The following USP9X variants were observed in gnomAD, a reference collection of about 807,000 sequenced individuals.
The protein encoded by USP9X is ubiquitin specific peptidase 9 X-linked, also known as ubiquitin carboxyl-terminal hydrolase 9X.
A neutral mutation model predicts 190.3 loss-of-function variants in USP9X; 7 were observed. The observed-to-expected ratio is 0.04, with a 90% CI of 0.02 to 0.07. The LOEUF (loss-of-function observed/expected upper bound fraction) is 0.07, where lower values mean the gene tolerates loss of function less well. Ranked by LOEUF, USP9X falls within the 10% of genes least tolerant of loss-of-function variation. USP9X has a pLI of 1.00. For missense variants in USP9X, 1,010 were observed against 1,916.9 expected (o/e 0.53, Z 8.83); for synonymous variants, 645 against 659.5 (o/e 0.98, Z 0.34).
chrX:41,181,272 C>CTTTTTTT (rs769952292), intron 21 of USP9X, among the ~76,000 whole-genome samples: 4 of 75,426 alleles, frequency 5.3e-5, no homozygotes, highest in Non-Finnish European at 5.0e-5. Context: ...TTTCTCATTT[C>CTTTTTTT]TTTTTTTTTT....
intron 1 of USP9X, among the ~76,000 whole-genome samples, chrX:41,120,726 C>G (rs993267795): frequency 6.3e-5 from 7 of 110,875 alleles, no homozygotes; most frequent in Middle Eastern, 4.6e-3. Context: ...TCTTGATCTC[C>G]TGACCTCATG....
rs1436540299 is a variant in USP9X at position 41,141,073 on chromosome X, A to T, written c.878A>T (p.Glu293Val). The T allele has an allele frequency of 8.3e-7, 1 of 1,207,357 alleles. No homozygotes were observed. Among genetic ancestry groups the T allele is most frequent in the Non-Finnish European group, 1.1e-6 (1 of 893,274 alleles). ...PQFLENLTDE[E>V]LKKEAKNEAK... ...TTTTTAGAAAACTTAACTGATGAAG[A>T]ACTGAAAAAAGAAGCAAAGAATGAA... is the stretch of plus-strand genomic sequence containing the variant. Residue 293 changes from glutamate (E) to valine (V), a missense_variant, in exon 8 of 45, where the codon GAA becomes GTA. Transcript: ENST00000378308.
intron 16 of USP9X, chrX:41,167,105 G>A (rs1336488194): frequency 3.3e-5 from 5 of 150,259 alleles, no homozygotes; most frequent in African/African-American, 1.6e-4. Flanking sequence ...AGAAACTGGG[G>A]GTAGAGTAGT....
At chrX:41,154,393 A>T (rs1351992306) in intron 14 of USP9X, among the ~76,000 whole-genome samples, 1 of 111,945 alleles carries the variant, frequency 8.9e-6, no homozygotes, top group African/African-American at 3.2e-5. Flanking sequence ...TCCTGGTGGT[A>T]CACAGCCCTC....
chrX:41,125,672 ACACACACACACACTCT>A (rs1158961656), intron 2 of USP9X, among the ~76,000 whole-genome samples: 17 of 48,658 alleles, frequency 3.5e-4, no homozygotes, highest in South Asian at 2.0e-3. Context: ...ACACACACAC[ACACACACACACACTCT>A]CTCTCTCTCT....
At position 41,123,610 on chromosome X, in the gene USP9X, G is replaced by C. The variant is rs746162763; in HGVS notation, c.-19G>C. On this transcript the variant is annotated 5_prime_UTR_variant, in exon 2 of 45. Transcript: ENST00000378308. ...CTACATAAGCAGACAAAATTGCAAA[G>C]ATCTGCCCTGTGTCGAGTATGACAG... 1 of 1,200,714 alleles carries C rather than the reference G, an allele frequency of 8.3e-7. No individual in the cohort carries two copies. The highest frequency in any genetic ancestry group is 1.1e-6 in the Non-Finnish European group (1 of 887,497).
At chrX:41,105,203 A>G (rs763320926) in intron 1 of USP9X, among the ~76,000 whole-genome samples, 2 of 111,471 alleles carry the variant, frequency 1.8e-5, no homozygotes, top group African/African-American at 6.5e-5. Flanking sequence ...TGGCCTGACT[A>G]AGCCAAGAAG....
intron 16 of USP9X, 80 bp from the exon 17 acceptor site, chrX:41,167,402 C>A: frequency 1.3e-6 from 1 of 751,610 alleles, no homozygotes; most frequent in Non-Finnish European, 2.0e-6. Context: ...TTTAAGATAA[C>A]TGAGGATATG....
chrX:41,157,461 G>T (rs1255162521), intron 14 of USP9X, among the ~76,000 whole-genome samples: 1 of 111,270 alleles, frequency 9.0e-6, no homozygotes, highest in Non-Finnish European at 1.9e-5. Flanking sequence ...GCAACTCCTA[G>T]GTAGGCAGGC....
chrX:41,112,924 A>G (rs187345420), intron 1 of USP9X, among the ~76,000 whole-genome samples: 80 of 112,567 alleles, frequency 7.1e-4, no homozygotes, highest in Non-Finnish European at 1.1e-3. Context: ...CATATAAGCT[A>G]TTAATGTTTG....
chrX:41,179,862 A>G (rs1335568741), intron 21 of USP9X, among the ~76,000 whole-genome samples: 1 of 111,547 alleles, frequency 9.0e-6, no homozygotes, highest in Non-Finnish European at 1.9e-5. Flanking sequence ...CTTCACAACA[A>G]CTAAACCAAC....
intron 2 of USP9X, among the ~76,000 whole-genome samples, chrX:41,125,716 TC>T (rs2062241137): frequency 9.9e-6 from 1 of 100,734 alleles, no homozygotes; most frequent in Non-Finnish European, 2.0e-5. Context: ...TCTCTCTCTC[TC>T]TCGCGCACGC....
chrX:41,120,025 T>C (rs1262774417), intron 1 of USP9X, among the ~76,000 whole-genome samples: 2 of 112,251 alleles, frequency 1.8e-5, no homozygotes, highest in Non-Finnish European at 3.8e-5. Context: ...TTTTCCACTT[T>C]ATGTATTTAA....
At chrX:41,102,560 T>C (rs1006206437) in intron 1 of USP9X, among the ~76,000 whole-genome samples, 1 of 110,833 alleles carries the variant, frequency 9.0e-6, no homozygotes, top group African/African-American at 3.3e-5. Flanking sequence ...GAGGTGGAGG[T>C]TGCAGTGAGT....
chrX:41,169,333 C>T (rs894036773), intron 18 of USP9X, among the ~76,000 whole-genome samples: 2 of 111,099 alleles, frequency 1.8e-5, no homozygotes, highest in Non-Finnish European at 3.8e-5. Flanking sequence ...TAAAAATAAG[C>T]GTTATATCTT....
At chrX:41,117,232 T>C (rs1439045833) in intron 1 of USP9X, among the ~76,000 whole-genome samples, 1 of 111,525 alleles carries the variant, frequency 9.0e-6, no homozygotes, top group Non-Finnish European at 1.9e-5. Flanking sequence ...GAGAAAGGTG[T>C]TTTGAGAGAG....
chrX:41,135,819 T>TG (rs1216214725), intron 5 of USP9X, among the ~76,000 whole-genome samples: 1 of 110,349 alleles, frequency 9.1e-6, no homozygotes, highest in Non-Finnish European at 1.9e-5. Context: ...TTAGGAGAGA[T>TG]GGGGTTTCAC....
chrX:41,166,783 C>T (rs2062682267), intron 16 of USP9X, among the ~76,000 whole-genome samples: 1 of 111,822 alleles, frequency 8.9e-6, no homozygotes, highest in Non-Finnish European at 1.9e-5. Context: ...ACATATTTTC[C>T]TGCAAACCAT....
chrX:41,105,776 G>T (rs1157863003), intron 1 of USP9X, among the ~76,000 whole-genome samples: 2 of 112,111 alleles, frequency 1.8e-5, no homozygotes, highest in Non-Finnish European at 1.9e-5. Flanking sequence ...ATGCACAGGG[G>T]TTCCAGTTTC....
Sources: gnomAD v4.1 joint callset for allele counts (sites outside exome capture counted in the v4.1 genomes callset) on GRCh38, gnomAD v4.1.1 for gene constraint, MANE v1.5 for transcripts, NCBI Gene and HGNC (gene_info 2026-07-23, HGNC 2026-07-21) for gene names.